VPS33A: variants seen among roughly 807,000 people sequenced by gnomAD.
The protein encoded by VPS33A is vacuolar protein sorting-associated protein 33A.
VPS33A carries 32 observed loss-of-function variants against 71.8 expected under a neutral mutation model. The ratio of observed to expected loss-of-function variants is 0.45; its 90% CI spans 0.34 to 0.60. The LOEUF (loss-of-function observed/expected upper bound fraction) is 0.60. Among genes scored for constraint, VPS33A ranks in the 20% least tolerant of loss-of-function variants. The pLI is 0.02. For synonymous variants in VPS33A, 311 were observed against 292.7 expected (o/e 1.06, Z -0.64); for missense variants, 625 against 748.5 (o/e 0.84, Z 1.92).
chr12:122,246,952 T>C (rs1954785211), intron 6 of VPS33A, among the ~76,000 whole-genome samples: 1 of 152,140 alleles, frequency 6.6e-6, no homozygotes, highest in East Asian at 1.9e-4. Context: ...ACTAGGAAAA[T>C]GCTCATTAGC....
intron 4 of VPS33A, among the ~76,000 whole-genome samples, chr12:122,259,704 G>C (rs982424296): frequency 1.3e-5 from 2 of 152,018 alleles, no homozygotes; most frequent in Non-Finnish European, 2.9e-5. Flanking sequence ...GCCTCGCGCA[G>C]GCTTCAACCT....
intron 4 of VPS33A, among the ~76,000 whole-genome samples, chr12:122,255,515 C>A (rs928610588): frequency 3.3e-5 from 5 of 152,096 alleles, no homozygotes; most frequent in Non-Finnish European, 7.4e-5. Flanking sequence ...ACCAGCCTGG[C>A]CAACATGGTG....
intron 10 of VPS33A, among the ~76,000 whole-genome samples, chr12:122,238,315 C>T (rs555505799): frequency 1.6e-3 from 242 of 152,218 alleles, no homozygotes; most frequent in African/African-American, 5.2e-3. Context: ...CCGCCTCCTG[C>T]GTTCAAGCGA....
intron 11 of VPS33A, 111 bp from the exon 12 acceptor site, chr12:122,233,079 A>C (rs1593191876): frequency 3.4e-6 from 4 of 1,171,172 alleles, no homozygotes; most frequent in Admixed American, 3.2e-5. Context: ...AAGATATACA[A>C]CCCCCACCCC....
intron 9 of VPS33A, 82 bp downstream of exon 9, chr12:122,239,779 AGGCAAGGCATGGGAATC>A: frequency 1.4e-5 from 7 of 507,354 alleles, no homozygotes; most frequent in South Asian, 5.0e-5. Context: ...AAAAAAAAAA[AGGCAAGGCATGGGAATC>A]AAAGCAATTG....
intron 6 of VPS33A, among the ~76,000 whole-genome samples, chr12:122,245,892 ATACT>A (rs779953499): frequency 6.6e-6 from 1 of 152,198 alleles, no homozygotes; most frequent in Non-Finnish European, 1.5e-5. Flanking sequence ...AAAGCCTAAA[ATACT>A]TACTATCTGG....
chr12:122,238,426 T>G (rs111678730), intron 10 of VPS33A, among the ~76,000 whole-genome samples, 161 bp downstream of exon 10: 3 of 152,288 alleles, frequency 2.0e-5, no homozygotes, highest in Non-Finnish European at 2.9e-5. Context: ...TTCACCATGT[T>G]GGCCAGGCTG....
At position 122,247,698 on chromosome 12, in the gene VPS33A, A is replaced by C. The variant is rs573217783; in HGVS notation, c.775+2173T>G. Among the ~76,000 whole-genome samples the C allele has an allele frequency of 2.6e-5, 4 of 152,218 alleles. 1 individual carries two copies. In the South Asian group the frequency reaches 8.3e-4, roughly 32 times the overall value. ...TGAATGATCCAGTAGCATTTAGTAC[A>C]TATACAACATGGTAGGACCACAGCC... On this transcript the variant is annotated intron_variant, in intron 6 of 12. Transcript: ENST00000267199.
chr12:122,239,922 A>G lies in VPS33A; in HGVS notation c.1120T>C (p.Leu374=). The G allele has an allele frequency of 4.3e-6, 7 of 1,613,716 alleles. No homozygotes were observed. Among genetic ancestry groups the G allele is most frequent in the Non-Finnish European group, 5.9e-6 (7 of 1,179,870 alleles). ...GACATAAACTCCTGTTCCACGGTTA[A>G]TTTATCAAAAAAGTCTTCAGAAGCT... is the stretch of plus-strand genomic sequence containing the variant. ...VTTSEDFFDK[L]TVEQEFMSGI... is the part of the protein sequence containing the mutation. Residue 374 remains leucine (L), a synonymous_variant, in exon 9 of 13, where the codon TTA becomes CTA. Transcript: ENST00000267199.
chr12:122,239,626 C>T (rs370517249), intron 9 of VPS33A, among the ~76,000 whole-genome samples: 4 of 151,632 alleles, frequency 2.6e-5, no homozygotes, highest in East Asian at 1.9e-4. Flanking sequence ...CCCAGCTACT[C>T]GGGAGGCTGA....
intron 4 of VPS33A, among the ~76,000 whole-genome samples, chr12:122,254,804 C>A (rs893383901): frequency 1.3e-5 from 2 of 152,112 alleles, no homozygotes; most frequent in Non-Finnish European, 2.9e-5. Context: ...GTAATCCCAG[C>A]ACTTTGGGAG....
chr12:122,253,702 G>C (rs1210227047), intron 4 of VPS33A, among the ~76,000 whole-genome samples: 1 of 151,960 alleles, frequency 6.6e-6, no homozygotes, highest in African/African-American at 2.4e-5. Flanking sequence ...AATCTTGGTT[G>C]TTTTTCCTTT....
chr12:122,253,985 C>T (rs926120193), intron 4 of VPS33A, among the ~76,000 whole-genome samples: 1 of 151,916 alleles, frequency 6.6e-6, no homozygotes, highest in Non-Finnish European at 1.5e-5. Flanking sequence ...CAGCCCAATA[C>T]CCTTAACATT....
intron 4 of VPS33A, among the ~76,000 whole-genome samples, chr12:122,256,180 G>C (rs1954915349): frequency 6.6e-6 from 1 of 151,992 alleles, no homozygotes; most frequent in Non-Finnish European, 1.5e-5. Flanking sequence ...GGTGATCTCT[G>C]TAACAACACA....
At chr12:122,253,941 C>T (rs1008874873) in intron 4 of VPS33A, among the ~76,000 whole-genome samples, 3 of 152,074 alleles carry the variant, frequency 2.0e-5, no homozygotes, top group Admixed American at 6.6e-5. Context: ...TCAGGTGATC[C>T]GTCTGCCTTG....
rs28439749 is a variant in VPS33A at position 122,231,642 on chromosome 12, A to G, written c.*604T>C. The G allele has an allele frequency of 0.029, 4,462 of 152,892 alleles. 162 individuals are homozygous for G. Among genetic ancestry groups the G allele is most frequent in the African/African-American group, 0.079 (3,289 of 41,556 alleles). 9.5% of individuals were successfully genotyped at this position (152,892 alleles called of 1,614,324 possible). A position where few individuals can be genotyped will look rare whatever the true frequency, so the allele number is the denominator to read the frequency against. Reference sequence around the variant, plus strand: ...TGGCCCCGTTTGTCTGGCTGAATGGATTATCTACCCCCACCATCCTTAATG... The same window carrying G: ...TGGCCCCGTTTGTCTGGCTGAATGGGTTATCTACCCCCACCATCCTTAATG... On this transcript the variant is annotated 3_prime_UTR_variant, in exon 13 of 13. Coordinates refer to ENST00000267199, the MANE Select transcript of VPS33A (RefSeq NM_022916.6).
In VPS33A at chr12:122,263,594, T is replaced by C; in HGVS notation, c.274A>G (p.Ile92Val). Residue 92 changes from isoleucine (I) to valine (V), a missense_variant, in exon 3 of 13, where the codon ATA becomes GTA. By Grantham distance (29) the Ile-to-Val change is conservative. Coordinates refer to ENST00000267199, the MANE Select transcript of VPS33A (RefSeq NM_022916.6). ...TACCTGAGCACGTTTTCAGCGATTA[T>C]ATCCATCAACTCTAGCCTGGGTCTG... is the stretch of plus-strand genomic sequence containing the variant. ...FVRPRLELMD[I>V]IAENVLSEDR... 6.2e-7 allele frequency: 1 copy of C among 1,610,518 alleles called. No individual in the cohort carries two copies. Among genetic ancestry groups the C allele is most frequent in the Non-Finnish European group, 8.5e-7 (1 of 1,178,066 alleles).
At chr12:122,260,734 C>T (rs1284228528) in intron 4 of VPS33A, among the ~76,000 whole-genome samples, 1 of 152,002 alleles carries the variant, frequency 6.6e-6, no homozygotes, top group African/African-American at 2.4e-5. Flanking sequence ...GCCTGTAATC[C>T]CAGCAGTTTG....
intron 4 of VPS33A, 106 bp downstream of exon 4, chr12:122,261,155 A>C: frequency 2.1e-6 from 2 of 945,874 alleles, no homozygotes; most frequent in Non-Finnish European, 3.1e-6. Flanking sequence ...ACATCAATAA[A>C]CATATAAAAT....
Sources: allele counts gnomAD v4.1 joint callset (sites outside exome capture counted in the v4.1 genomes callset), GRCh38; gene constraint gnomAD v4.1.1; transcripts MANE v1.5; gene names NCBI Gene and HGNC (gene_info 2026-07-23, HGNC 2026-07-21).